SMYD3: variants seen among roughly 807,000 people sequenced by gnomAD.
SMYD3 encodes histone-lysine N-methyltransferase SMYD3.
A neutral mutation model predicts 57.7 loss-of-function variants in SMYD3; 36 were observed. The ratio of observed to expected loss-of-function variants is 0.62; its 90% CI spans 0.48 to 0.82. The LOEUF is 0.82. Among genes scored for constraint, SMYD3 ranks in the 40% least tolerant of loss-of-function variants. The pLI is 0.00. For missense variants in SMYD3, 515 were observed against 538.8 expected (o/e 0.96, Z 0.44); for synonymous variants, 211 against 195.0 (o/e 1.08, Z -0.68).
intron 5 of SMYD3, among the ~76,000 whole-genome samples, chr1:246,215,356 C>T (rs1238337673): frequency 1.3e-5 from 2 of 152,070 alleles, no homozygotes; most frequent in African/African-American, 4.8e-5. Context: ...CACGCTGGGG[C>T]TTCATGCATG....
Position 245,858,569 on chromosome 1 carries a change from T to G in SMYD3, c.1003A>C (p.Met335Leu), listed in dbSNP as rs1418703402. ...IYQLKVLDCAMDACINLGLLE... is the reference protein window; with the variant it reads ...IYQLKVLDCALDACINLGLLE... ...AGGCCGAGGTTGATGCAGGCATCCA[T>G]GGCGCAGTCGAGCACCTTCAGCTGG... is the stretch of plus-strand genomic sequence containing the variant. The change falls in exon 10 of 12, where the codon ATG becomes CTG. Residue 335 changes from methionine to leucine, a missense_variant. By Grantham distance (15) the Met-to-Leu change is conservative (BLOSUM62 2). Transcript: ENST00000490107. 7 of 1,614,098 alleles carry G rather than the reference T, an allele frequency of 4.3e-6. No homozygotes were observed. The highest frequency in any genetic ancestry group is 2.7e-5 in the African/African-American group (2 of 74,928).
intron 1 of SMYD3, among the ~76,000 whole-genome samples, chr1:246,488,416 G>A (rs1365820716): frequency 2.0e-5 from 3 of 152,322 alleles, no homozygotes; most frequent in East Asian, 1.9e-4. Context: ...TAGGCTGGGC[G>A]TGGTGGCTCA....
At chr1:245,834,434 T>C (rs1442359378) in intron 10 of SMYD3, among the ~76,000 whole-genome samples, 2 of 152,178 alleles carry the variant, frequency 1.3e-5, no homozygotes, top group African/African-American at 4.8e-5. Flanking sequence ...GCCTGCTCAT[T>C]GGACCACTGT....
At chr1:246,041,761 A>G (rs1228012524) in intron 5 of SMYD3, among the ~76,000 whole-genome samples, 3 of 152,120 alleles carry the variant, frequency 2.0e-5, no homozygotes, top group Non-Finnish European at 4.4e-5. Flanking sequence ...CTCTCTTCCA[A>G]TGGACGGACT....
chr1:246,443,897 T>C (rs2067507813), intron 1 of SMYD3, among the ~76,000 whole-genome samples: 1 of 152,170 alleles, frequency 6.6e-6, no homozygotes, highest in Non-Finnish European at 1.5e-5. Context: ...ACTTACTTTC[T>C]GTCAAAAAAT....
chr1:246,239,239 C>A (rs2063561892), intron 5 of SMYD3, among the ~76,000 whole-genome samples: 1 of 151,942 alleles, frequency 6.6e-6, no homozygotes, highest in Non-Finnish European at 1.5e-5. Context: ...TAATGCTATC[C>A]CTCCCCTCTA....
chr1:246,079,528 G>T (rs184119482), intron 5 of SMYD3, among the ~76,000 whole-genome samples: 17 of 152,250 alleles, frequency 1.1e-4, no homozygotes, highest in Admixed American at 3.3e-4. Flanking sequence ...TTGTACATGG[G>T]TAAGTAAAAC....
At chr1:246,166,185 C>T (rs1480693556) in intron 5 of SMYD3, among the ~76,000 whole-genome samples, 1 of 152,108 alleles carries the variant, frequency 6.6e-6, no homozygotes, top group Non-Finnish European at 1.5e-5. Context: ...TGCTTCTGGG[C>T]AACTTGGAAA....
chr1:246,103,554 C>A (rs2061058205), intron 5 of SMYD3, among the ~76,000 whole-genome samples: 1 of 152,084 alleles, frequency 6.6e-6, no homozygotes, highest in Non-Finnish European at 1.5e-5. Context: ...CTCTAAATTC[C>A]CAGAGCCACT....
chr1:246,275,405 GTTT>G (rs879571550), intron 5 of SMYD3, among the ~76,000 whole-genome samples: 18,730 of 135,640 alleles, frequency 0.14, 3,550 homozygotes, highest in East Asian at 0.37. Flanking sequence ...GTTATTTAAT[GTTT>G]CTAGTGGAGT....
intron 5 of SMYD3, among the ~76,000 whole-genome samples, chr1:246,324,316 G>A (rs1263949583): frequency 6.6e-6 from 1 of 151,324 alleles, no homozygotes; most frequent in Non-Finnish European, 1.5e-5. Context: ...TTGGGAGGCT[G>A]AGGCAGCAGA....
chr1:246,184,751 G>A (rs2062604791), intron 5 of SMYD3, among the ~76,000 whole-genome samples: 1 of 152,118 alleles, frequency 6.6e-6, no homozygotes, highest in Non-Finnish European at 1.5e-5. Flanking sequence ...GGCCATGTGA[G>A]GACTTAGCAA....
chr1:245,846,267 G>A (rs2050659443), intron 10 of SMYD3, among the ~76,000 whole-genome samples: 1 of 152,212 alleles, frequency 6.6e-6, no homozygotes, highest in Admixed American at 6.5e-5. Flanking sequence ...CTGCATCCCT[G>A]AATTCCATCG....
chr1:246,326,176 C>T (rs2065345364), intron 5 of SMYD3: 1 of 409,688 alleles, frequency 2.4e-6, no homozygotes. Flanking sequence ...ATATTAATGG[C>T]ATAAATATAT....
intron 5 of SMYD3, among the ~76,000 whole-genome samples, chr1:246,239,623 G>C (rs1419444839): frequency 6.6e-6 from 1 of 152,158 alleles, no homozygotes; most frequent in African/African-American, 2.4e-5. Flanking sequence ...GGATGGCTGG[G>C]TCAAATAGTA....
intron 5 of SMYD3, 54 bp from the exon 6 acceptor site, chr1:245,929,991 T>C (rs2056615763): frequency 6.7e-7 from 1 of 1,496,716 alleles, no homozygotes. Context: ...AGAAACTTCA[T>C]AGCCAAGAGA....
At chr1:246,445,250 C>A (rs1217481573) in intron 1 of SMYD3, among the ~76,000 whole-genome samples, 1 of 152,186 alleles carries the variant, frequency 6.6e-6, no homozygotes, top group South Asian at 2.1e-4. Flanking sequence ...TCCTTACTGT[C>A]AAATTAATAA....
intron 10 of SMYD3, among the ~76,000 whole-genome samples, chr1:245,793,204 G>A (rs971500430): frequency 2.0e-5 from 3 of 151,580 alleles, no homozygotes; most frequent in African/African-American, 7.3e-5. Flanking sequence ...AGCTACTCGG[G>A]AGGCTGAGGC....
At chr1:246,105,877 C>T (rs1454954653) in intron 5 of SMYD3, among the ~76,000 whole-genome samples, 2 of 152,192 alleles carry the variant, frequency 1.3e-5, no homozygotes, top group African/African-American at 4.8e-5. Flanking sequence ...TCCAAAACAT[C>T]CACTGCTAAT....
Sources: allele counts gnomAD v4.1 joint callset (sites outside exome capture counted in the v4.1 genomes callset), GRCh38; gene constraint gnomAD v4.1.1; transcripts MANE v1.5; gene names NCBI Gene and HGNC (gene_info 2026-07-23, HGNC 2026-07-21).